The following INPP4B variants were observed in gnomAD, a reference collection of about 807,000 sequenced individuals.
INPP4B encodes inositol polyphosphate-4-phosphatase type II B, also known as inositol polyphosphate 4-phosphatase type II.
INPP4B carries 55 observed loss-of-function variants against 122.5 expected under a neutral mutation model. The observed-to-expected ratio is 0.45, with a 90% CI of 0.36 to 0.56. INPP4B has a LOEUF of 0.56. Ranked by LOEUF, INPP4B falls within the 20% of genes least tolerant of loss-of-function variation. The pLI, the probability that INPP4B is intolerant of heterozygous loss-of-function variation, is 0.00. For synonymous variants in INPP4B, 403 were observed against 388.7 expected (o/e 1.04, Z -0.43); for missense variants, 1,000 against 1,097.7 (o/e 0.91, Z 1.26).
At chr4:142,404,728 G>T (rs976555898) in intron 6 of INPP4B, among the ~76,000 whole-genome samples, 3 of 152,010 alleles carry the variant, frequency 2.0e-5, no homozygotes, top group African/African-American at 7.2e-5. Context: ...AGTTTCCACA[G>T]ACTAAAGAAT....
intron 2 of INPP4B, among the ~76,000 whole-genome samples, chr4:142,650,001 G>A: frequency 6.6e-6 from 1 of 152,226 alleles, no homozygotes; most frequent in East Asian, 1.9e-4. Context: ...AAGCCCATCA[G>A]ACAAACTGTG....
At chr4:142,561,503 C>A (rs1730465696) in intron 2 of INPP4B, among the ~76,000 whole-genome samples, 1 of 152,144 alleles carries the variant, frequency 6.6e-6, no homozygotes, top group South Asian at 2.1e-4. Flanking sequence ...ACTGCAACCT[C>A]TGCCTCCCAG....
At chr4:142,737,883 G>T (rs866959836) in intron 1 of INPP4B, among the ~76,000 whole-genome samples, 1 of 152,222 alleles carries the variant, frequency 6.6e-6, no homozygotes, top group Non-Finnish European at 1.5e-5. Context: ...GGCCATCAGA[G>T]AAATGCAAAT....
intron 3 of INPP4B, among the ~76,000 whole-genome samples, chr4:142,437,262 A>T (rs191930156): frequency 1.1e-4 from 16 of 152,262 alleles, no homozygotes; most frequent in Admixed American, 1.0e-3. Flanking sequence ...ATGGAACAAA[A>T]TCTTCAAGAA....
At chr4:142,750,411 G>T (rs968054329) in intron 1 of INPP4B, among the ~76,000 whole-genome samples, 1 of 152,026 alleles carries the variant, frequency 6.6e-6, no homozygotes, top group Non-Finnish European at 1.5e-5. Flanking sequence ...AAAGAGGAAT[G>T]ATTAAAGAAT....
At chr4:142,797,141 T>C (rs563854422) in intron 1 of INPP4B, among the ~76,000 whole-genome samples, 2 of 152,052 alleles carry the variant, frequency 1.3e-5, no homozygotes, top group Admixed American at 6.6e-5. Flanking sequence ...AACTGAGAAT[T>C]TGACATGCTT....
At chr4:142,624,748 C>T (rs1330221788) in intron 2 of INPP4B, among the ~76,000 whole-genome samples, 1 of 152,134 alleles carries the variant, frequency 6.6e-6, no homozygotes, top group African/African-American at 2.4e-5. Flanking sequence ...TACTGGCAAA[C>T]TGAATCCAGC....
intron 18 of INPP4B, among the ~76,000 whole-genome samples, chr4:142,134,745 T>C (rs111961155): frequency 0.13 from 17,387 of 138,530 alleles, 1,608 homozygotes; most frequent in African/African-American, 0.28. Flanking sequence ...TGTGGTGAGC[T>C]GAGATCACAC....
chr4:142,637,987 A>G (rs1041043458), intron 2 of INPP4B, among the ~76,000 whole-genome samples: 1 of 152,188 alleles, frequency 6.6e-6, no homozygotes, highest in Non-Finnish European at 1.5e-5. Context: ...TGCCATCTAT[A>G]TATCTTCTTT....
At chr4:142,440,698 C>T (rs74989967) in intron 3 of INPP4B, among the ~76,000 whole-genome samples, 6,508 of 152,008 alleles carry the variant, frequency 0.043, 306 homozygotes, top group African/African-American at 0.11. Flanking sequence ...ATTCTTAGAA[C>T]TCAATTTGAA....
chr4:142,400,410 T>G (rs1390649956), intron 7 of INPP4B, among the ~76,000 whole-genome samples: 1 of 152,150 alleles, frequency 6.6e-6, no homozygotes, highest in Non-Finnish European at 1.5e-5. Context: ...TCTTATGCCT[T>G]TAGAATATTA....
At chr4:142,447,693 G>A (rs1813203686) in intron 3 of INPP4B, among the ~76,000 whole-genome samples, 1 of 152,200 alleles carries the variant, frequency 6.6e-6, no homozygotes, top group Admixed American at 6.5e-5. Context: ...AGGACCAGGA[G>A]TTTGAACAAT....
At chr4:142,083,049 C>T (rs1002298169) in intron 24 of INPP4B, among the ~76,000 whole-genome samples, 13 of 151,378 alleles carry the variant, frequency 8.6e-5, no homozygotes, top group Non-Finnish European at 1.8e-4. Context: ...TTACTTGAGC[C>T]TGTGATCATG....
intron 12 of INPP4B, among the ~76,000 whole-genome samples, chr4:142,236,247 C>T (rs567894911): frequency 3.9e-5 from 6 of 152,286 alleles, no homozygotes; most frequent in African/African-American, 7.2e-5. Context: ...TGGTCTAGAA[C>T]GCAACCATGT....
intron 9 of INPP4B, among the ~76,000 whole-genome samples, chr4:142,274,251 A>T (rs1408998508): frequency 6.6e-6 from 1 of 151,886 alleles, no homozygotes; most frequent in African/African-American, 2.4e-5. Context: ...GAATCAAGAA[A>T]TCCAGGTTCT....
At chr4:142,232,096 T>G (rs1854624936) in intron 12 of INPP4B, among the ~76,000 whole-genome samples, 1 of 152,192 alleles carries the variant, frequency 6.6e-6, no homozygotes, top group Non-Finnish European at 1.5e-5. Flanking sequence ...GACAAAAATA[T>G]TTACTATCTT....
chr4:142,776,392 C>T (rs184958688), intron 1 of INPP4B, among the ~76,000 whole-genome samples: 3 of 152,238 alleles, frequency 2.0e-5, no homozygotes, highest in African/African-American at 4.8e-5. Flanking sequence ...CTTTAATACA[C>T]TCCCATAAGT....
At chr4:142,559,859 A>G (rs1730059391) in intron 2 of INPP4B, among the ~76,000 whole-genome samples, 1 of 151,952 alleles carries the variant, frequency 6.6e-6, no homozygotes, top group Admixed American at 6.6e-5. Context: ...TCTTCCTATT[A>G]TTATGTTGAA....
At chr4:142,427,536 C>T in intron 5 of INPP4B, 3 of 616,156 alleles carry the variant, frequency 4.9e-6, no homozygotes, top group Non-Finnish European at 8.8e-6. Flanking sequence ...TCTAAACAAA[C>T]AGCATAGTTA....
Sources: allele counts gnomAD v4.1 joint callset (sites outside exome capture counted in the v4.1 genomes callset), GRCh38; gene constraint gnomAD v4.1.1; transcripts MANE v1.5; gene names NCBI Gene and HGNC (gene_info 2026-07-23, HGNC 2026-07-21).